Variants in HPSE2 observed in about 807,000 individuals in gnomAD.
HPSE2 encodes the protein heparanase 2 (inactive), also known as inactive heparanase-2.
HPSE2 carries 38 observed loss-of-function variants against 60.5 expected under a neutral mutation model. That is an observed-to-expected ratio of 0.63 (90% CI 0.48 to 0.82). The LOEUF is 0.82. Among genes scored for constraint, HPSE2 ranks in the 40% least tolerant of loss-of-function variants. The probability of loss-of-function intolerance (pLI) is 0.00; values close to 1 mark genes in which losing one functional copy is unlikely to be tolerated. For synonymous variants in HPSE2, 295 were observed against 293.2 expected (o/e 1.01, Z -0.06); for missense variants, 713 against 740.4 (o/e 0.96, Z 0.43).
At chr10:99,167,638 T>C (rs1236028779) in intron 2 of HPSE2, among the ~76,000 whole-genome samples, 1 of 152,248 alleles carries the variant, frequency 6.6e-6, no homozygotes, top group Non-Finnish European at 1.5e-5. Flanking sequence ...TATTCTTCTA[T>C]GAATACCATA....
intron 3 of HPSE2, among the ~76,000 whole-genome samples, chr10:98,873,387 G>C (rs185900633): frequency 6.6e-6 from 1 of 151,990 alleles, no homozygotes; most frequent in Non-Finnish European, 1.5e-5. Flanking sequence ...GCCCTGGTGT[G>C]TGTTGTTTAC....
chr10:99,105,060 A>AT (rs1349368490), intron 3 of HPSE2, among the ~76,000 whole-genome samples: 16 of 91,820 alleles, frequency 1.7e-4, no homozygotes, highest in Non-Finnish European at 3.5e-4. Flanking sequence ...TTAAAATATA[A>AT]TAAAAAAAAA....
At chr10:98,886,062 A>C (rs1022802245) in intron 3 of HPSE2, among the ~76,000 whole-genome samples, 1 of 152,162 alleles carries the variant, frequency 6.6e-6, no homozygotes, top group Non-Finnish European at 1.5e-5. Flanking sequence ...AGGATGAAAC[A>C]AAACTAAAAA....
chr10:98,920,997 C>T (rs1009652558), intron 3 of HPSE2, among the ~76,000 whole-genome samples: 4 of 152,176 alleles, frequency 2.6e-5, no homozygotes, highest in African/African-American at 4.8e-5. Flanking sequence ...TCAAGGGAGG[C>T]AGTCTGACAT....
At chr10:99,243,228 C>T in the HPSE2 span, among the ~76,000 whole-genome samples, 1 of 151,992 alleles carries the variant, frequency 6.6e-6, no homozygotes, top group Non-Finnish European at 1.5e-5. Context: ...TGGCACATGC[C>T]TATAGTCCCA....
the HPSE2 span, among the ~76,000 whole-genome samples, chr10:99,268,853 A>G: frequency 6.6e-6 from 1 of 152,084 alleles, no homozygotes; most frequent in African/African-American, 2.4e-5. Flanking sequence ...AAAGAATGGC[A>G]GAATGGATAA....
At chr10:98,511,558 GT>G (rs1942399365) in intron 9 of HPSE2, among the ~76,000 whole-genome samples, 79 of 27,726 alleles carry the variant, frequency 2.8e-3, no homozygotes, top group South Asian at 8.6e-4. Flanking sequence ...TAACTATGGT[GT>G]GTGTGTGTGT....
At chr10:99,294,783 A>C in the HPSE2 span, among the ~76,000 whole-genome samples, 1 of 152,058 alleles carries the variant, frequency 6.6e-6, no homozygotes, top group Admixed American at 6.6e-5. Flanking sequence ...AAAATACAAA[A>C]AAAATCAGCT....
At chr10:98,916,215 C>G (rs1285971357) in intron 3 of HPSE2, among the ~76,000 whole-genome samples, 3 of 152,120 alleles carry the variant, frequency 2.0e-5, no homozygotes, top group African/African-American at 7.2e-5. Flanking sequence ...AAAACTGTAC[C>G]AAAATTACTT....
chr10:99,263,931 T>G, the HPSE2 span, among the ~76,000 whole-genome samples: 2 of 152,096 alleles, frequency 1.3e-5, no homozygotes, highest in African/African-American at 4.8e-5. Context: ...CAGGACACAC[T>G]CCAGTACTTT....
intron 7 of HPSE2, among the ~76,000 whole-genome samples, chr10:98,626,974 C>T (rs898327044): frequency 1.3e-5 from 2 of 152,030 alleles, no homozygotes; most frequent in African/African-American, 4.8e-5. Flanking sequence ...GGGGTTTCAC[C>T]GTGTTAGCCA....
intron 3 of HPSE2, among the ~76,000 whole-genome samples, chr10:99,088,238 A>G (rs1386427444): frequency 6.6e-6 from 1 of 152,054 alleles, no homozygotes; most frequent in Non-Finnish European, 1.5e-5. Context: ...GGTTTTGGGG[A>G]AACAGGTGGT....
chr10:98,879,356 T>A (rs1033522342), intron 3 of HPSE2, among the ~76,000 whole-genome samples: 2 of 152,038 alleles, frequency 1.3e-5, no homozygotes, highest in East Asian at 1.9e-4. Context: ...AGTCTGTGAT[T>A]TCCTATATAC....
chr10:98,850,224 A>G (rs532433607), intron 3 of HPSE2, among the ~76,000 whole-genome samples: 2 of 152,180 alleles, frequency 1.3e-5, no homozygotes, highest in African/African-American at 4.8e-5. Flanking sequence ...GTAGCACACA[A>G]ATCATCCCAT....
At chr10:98,972,205 TTC>T (rs1955972510) in intron 3 of HPSE2, among the ~76,000 whole-genome samples, 1 of 152,146 alleles carries the variant, frequency 6.6e-6, no homozygotes, top group Non-Finnish European at 1.5e-5. Flanking sequence ...AAGTAAAATT[TTC>T]TGTTCCTATT....
At chr10:99,075,414 C>T (rs765488854) in intron 3 of HPSE2, among the ~76,000 whole-genome samples, 42 of 152,032 alleles carry the variant, frequency 2.8e-4, no homozygotes, top group Non-Finnish European at 5.3e-4. Context: ...TTTAACATTC[C>T]TAAATTTGCT....
At chr10:99,033,866 C>G (rs964404485) in intron 3 of HPSE2, among the ~76,000 whole-genome samples, 2 of 152,094 alleles carry the variant, frequency 1.3e-5, no homozygotes, top group African/African-American at 4.8e-5. Flanking sequence ...TCCTTATACA[C>G]TCCTGGTAGA....
At chr10:99,283,318 G>A in the HPSE2 span, among the ~76,000 whole-genome samples, 1 of 150,028 alleles carries the variant, frequency 6.7e-6, no homozygotes, top group Non-Finnish European at 1.5e-5. Context: ...AAATATTAGA[G>A]ATACATAAAA....
intron 9 of HPSE2, among the ~76,000 whole-genome samples, chr10:98,496,748 C>T (rs1410619487): frequency 6.6e-6 from 1 of 152,184 alleles, no homozygotes; most frequent in Admixed American, 6.5e-5. Flanking sequence ...ATGATGCTTC[C>T]TATTCTACCA....
Sources: allele counts gnomAD v4.1 joint callset (sites outside exome capture counted in the v4.1 genomes callset), GRCh38; gene constraint gnomAD v4.1.1; transcripts MANE v1.5; gene names NCBI Gene and HGNC (gene_info 2026-07-23, HGNC 2026-07-21).